The following ATRNL1 variants were observed in gnomAD, a reference collection of about 807,000 sequenced individuals.
ATRNL1 encodes the protein attractin-like protein 1.
ATRNL1 carries 95 observed loss-of-function variants against 182.7 expected under a neutral mutation model. The ratio of observed to expected loss-of-function variants is 0.52; its 90% CI spans 0.44 to 0.62. The LOEUF (loss-of-function observed/expected upper bound fraction) is 0.62. ATRNL1 is among the 20% of genes least tolerant of loss of function. ATRNL1 has a pLI of 0.00. For missense variants in ATRNL1, 1,471 were observed against 1,679.5 expected (o/e 0.88, Z 2.17); for synonymous variants, 576 against 568.3 (o/e 1.01, Z -0.19).
Position 115,737,269 on chromosome 10 carries a change from T to TCC in ATRNL1, c.3903+9924_3903+9925dup, listed in dbSNP as rs11326417. Among the ~76,000 whole-genome samples, 785 of 140,634 alleles carry TCC rather than the reference T, an allele frequency of 5.6e-3. 4 individuals are homozygous for TCC. The highest frequency in any genetic ancestry group is 0.021 in the African/African-American group (745 of 35,994). The allele number at this position is 140,634 out of a possible 152,430, so 92.3% of individuals were successfully genotyped here. On this transcript the variant is annotated intron_variant, in intron 27 of 28. Transcript: ENST00000355044. ...GGCAAAACCCTGTCTCTACAAAACA[T>TCC]CCCCCCCCCCCAAAAAAAAAGGCTG...
chr10:115,883,943 G>GA (rs1951885457), intron 28 of ATRNL1, among the ~76,000 whole-genome samples: 8 of 152,194 alleles, frequency 5.3e-5, no homozygotes, highest in African/African-American at 1.9e-4. Flanking sequence ...TGAGTAGCTT[G>GA]GTGTCCACTC....
At chr10:115,305,841 G>A (rs1037182646) in intron 17 of ATRNL1, among the ~76,000 whole-genome samples, 1 of 152,120 alleles carries the variant, frequency 6.6e-6, no homozygotes, top group African/African-American at 2.4e-5. Flanking sequence ...GGGAAGTTTA[G>A]GGGTGCTGAT....
intron 26 of ATRNL1, among the ~76,000 whole-genome samples, chr10:115,708,629 T>C (rs1318137902): frequency 1.3e-5 from 2 of 151,816 alleles, no homozygotes; most frequent in Admixed American, 1.3e-4. Context: ...TTGCCATATC[T>C]GATACATCAT....
intron 18 of ATRNL1, among the ~76,000 whole-genome samples, chr10:115,327,378 A>G (rs1324643210): frequency 1.3e-5 from 2 of 152,160 alleles, no homozygotes; most frequent in African/African-American, 4.8e-5. Flanking sequence ...AATCAAAACC[A>G]CAATGAGATA....
At chr10:115,329,167 G>A (rs924192530) in intron 18 of ATRNL1, among the ~76,000 whole-genome samples, 7 of 151,806 alleles carry the variant, frequency 4.6e-5, no homozygotes, top group Admixed American at 1.3e-4. Context: ...CTGTTTAGGA[G>A]CATGTTCTTT....
At chr10:115,504,187 G>A (rs1385552946) in intron 24 of ATRNL1, among the ~76,000 whole-genome samples, 3 of 151,886 alleles carry the variant, frequency 2.0e-5, no homozygotes, top group Admixed American at 1.3e-4. Context: ...CCTAGATTGT[G>A]TATGAAAACT....
At chr10:115,301,792 C>T in intron 16 of ATRNL1, 63 bp from the exon 17 acceptor site, 3 of 1,372,038 alleles carry the variant, frequency 2.2e-6, no homozygotes, top group South Asian at 1.7e-5. Flanking sequence ...GCAAAGAAAA[C>T]CCATACAATT....
rs142603058 is a variant in ATRNL1, at chr10:115,808,627, C to T, written c.3904-39250C>T. On this transcript the variant is annotated intron_variant, in intron 27 of 28. Coordinates refer to ENST00000355044, the MANE Select transcript of ATRNL1 (RefSeq NM_207303.4). ...CAAACTGTTCTCAAAGGGGCGGCAC[C>T]GCTATGCATTCCCACTAGCAATGTG... Among the ~76,000 whole-genome samples the T allele has an allele frequency of 9.1e-4, 139 of 152,194 alleles. 2 individuals are homozygous for T. In the East Asian group the frequency reaches 0.024, roughly 26 times the overall value.
chr10:115,365,590 C>G (rs1554945697), intron 19 of ATRNL1, among the ~76,000 whole-genome samples: 1 of 152,058 alleles, frequency 6.6e-6, no homozygotes, highest in African/African-American at 2.4e-5. Context: ...CCTTGCTTTT[C>G]TAGTTCTTTT....
intron 15 of ATRNL1, among the ~76,000 whole-genome samples, chr10:115,288,742 G>A (rs1278587463): frequency 2.6e-5 from 4 of 151,862 alleles, no homozygotes; most frequent in African/African-American, 7.3e-5. Context: ...GGCTGGTCTC[G>A]AACTCCTGAC....
chr10:115,177,913 T>G lies in ATRNL1; in HGVS notation c.1348+6621T>G, dbSNP rs868966876. ...TGGTTTTGTTTTTTTGTTTTTTTTG[T>G]TTTTTTTTTTGTTTTTTTTTTTTTT... On this transcript the variant is annotated intron_variant, in intron 8 of 28. Coordinates refer to ENST00000355044, the MANE Select transcript of ATRNL1 (RefSeq NM_207303.4). Among the ~76,000 whole-genome samples the G allele has an allele frequency of 1.4e-3, 144 of 106,274 alleles. 2 individuals are homozygous for G. The highest frequency in any genetic ancestry group is 2.1e-3 in the South Asian group (7 of 3,326). The allele number at this position is 106,274 out of a possible 152,430, so 69.7% of individuals were successfully genotyped here. A position where few individuals can be genotyped will look rare whatever the true frequency, so the allele number is the denominator to read the frequency against.
chr10:115,857,589 C>T (rs1356994264), intron 28 of ATRNL1, among the ~76,000 whole-genome samples: 1 of 152,162 alleles, frequency 6.6e-6, no homozygotes, highest in African/African-American at 2.4e-5. Context: ...TGACCAGTGT[C>T]ACTGTAAAAT....
chr10:115,223,929 A>ATATATAT (rs1420143943), intron 9 of ATRNL1, among the ~76,000 whole-genome samples: 7 of 44,730 alleles, frequency 1.6e-4, no homozygotes, highest in African/African-American at 4.6e-4. Flanking sequence ...ATATATATAT[A>ATATATAT]TTTTTTTTTT....
chr10:115,138,626 G>A (rs1478820585), intron 5 of ATRNL1, among the ~76,000 whole-genome samples: 1 of 152,150 alleles, frequency 6.6e-6, no homozygotes, highest in African/African-American at 2.4e-5. Context: ...TGGAATACAG[G>A]GTACCAAGTC....
At chr10:115,509,228 A>G (rs984717691) in intron 24 of ATRNL1, among the ~76,000 whole-genome samples, 1 of 152,066 alleles carries the variant, frequency 6.6e-6, no homozygotes, top group African/African-American at 2.4e-5. Context: ...AAAATAGTAC[A>G]GCTCATTCAC....
At chr10:115,400,737 G>A (rs1167294941) in intron 20 of ATRNL1, among the ~76,000 whole-genome samples, 2 of 151,996 alleles carry the variant, frequency 1.3e-5, no homozygotes, top group African/African-American at 4.8e-5. Flanking sequence ...TTTAAAGTCT[G>A]TTTTGTCAGA....
intron 27 of ATRNL1, among the ~76,000 whole-genome samples, chr10:115,809,736 CA>C (rs1950004486): frequency 6.6e-6 from 1 of 151,908 alleles, no homozygotes; most frequent in Admixed American, 6.6e-5. Flanking sequence ...TTGTCATCTT[CA>C]AATAAACACA....
intron 28 of ATRNL1, among the ~76,000 whole-genome samples, chr10:115,910,786 G>A (rs1952650606): frequency 6.6e-6 from 1 of 152,156 alleles, no homozygotes; most frequent in African/African-American, 2.4e-5. Flanking sequence ...GGCACACAAA[G>A]AAATGAGAGT....
At chr10:115,220,718 A>G in intron 9 of ATRNL1, among the ~76,000 whole-genome samples, 1 of 30,094 alleles carries the variant, frequency 3.3e-5, no homozygotes, top group Admixed American at 5.8e-4. Context: ...ATGGTAAATA[A>G]AATAATGGGG....
Sources: gnomAD v4.1 joint callset for allele counts (sites outside exome capture counted in the v4.1 genomes callset) on GRCh38, gnomAD v4.1.1 for gene constraint, MANE v1.5 for transcripts, NCBI Gene and HGNC (gene_info 2026-07-23, HGNC 2026-07-21) for gene names.